VSTM4: variants seen among roughly 807,000 people sequenced by gnomAD.
The protein encoded by VSTM4 is V-set and transmembrane domain-containing protein 4.
Under a neutral mutation model 36.4 loss-of-function variants are expected in VSTM4, and 20 were observed. The observed-to-expected ratio is 0.55, with a 90% CI of 0.39 to 0.80. The LOEUF is 0.80. Ranked by LOEUF, VSTM4 falls within the 30% of genes least tolerant of loss-of-function variation. The pLI, the probability that VSTM4 is intolerant of heterozygous loss-of-function variation, is 0.00. For missense variants in VSTM4, 392 were observed against 404.5 expected (o/e 0.97, Z 0.26); for synonymous variants, 182 against 173.9 (o/e 1.05, Z -0.37).
At chr10:49,043,088 A>T (rs1843546233) in intron 7 of VSTM4, among the ~76,000 whole-genome samples, 1 of 152,160 alleles carries the variant, frequency 6.6e-6, no homozygotes. Context: ...AAATCATGTC[A>T]AAGAAGCAAT....
At chr10:49,047,162 A>G in intron 6 of VSTM4, 118 bp from the exon 7 acceptor site, 1 of 1,046,220 alleles carries the variant, frequency 9.6e-7, no homozygotes, top group Non-Finnish European at 1.5e-6. Flanking sequence ...GGTCCCATGG[A>G]AGAACTTTCT....
At chr10:49,041,649 G>T (rs1372739193) in intron 7 of VSTM4, among the ~76,000 whole-genome samples, 1 of 152,180 alleles carries the variant, frequency 6.6e-6, no homozygotes, top group Non-Finnish European at 1.5e-5. Context: ...GTGCACAAAA[G>T]ATTTTCATGT....
chr10:49,082,558 C>T (rs1844298972), intron 3 of VSTM4, among the ~76,000 whole-genome samples: 1 of 152,006 alleles, frequency 6.6e-6, no homozygotes, highest in South Asian at 2.1e-4. Flanking sequence ...GCCTGTAATC[C>T]CAGCTACTTG....
intron 3 of VSTM4, among the ~76,000 whole-genome samples, chr10:49,081,171 A>G (rs1339351865): frequency 2.6e-5 from 4 of 152,136 alleles, no homozygotes; most frequent in East Asian, 3.9e-4. Context: ...GCCTTTCCAC[A>G]TTGGTCAGCA....
chr10:49,076,761 G>A (rs542636055), intron 4 of VSTM4, among the ~76,000 whole-genome samples: 1 of 152,276 alleles, frequency 6.6e-6, no homozygotes, highest in African/African-American at 2.4e-5. Flanking sequence ...GACTGGTCAG[G>A]GAAAGAACTG....
At chr10:49,084,711 T>C (rs2131999673) in intron 3 of VSTM4, among the ~76,000 whole-genome samples, 1 of 152,362 alleles carries the variant, frequency 6.6e-6, no homozygotes, top group Admixed American at 6.5e-5. Context: ...CTGACCACCT[T>C]TGAACATTAA....
chr10:49,027,340 C>T (rs551378922), intron 7 of VSTM4, among the ~76,000 whole-genome samples: 2 of 152,330 alleles, frequency 1.3e-5, no homozygotes, highest in South Asian at 4.1e-4. Context: ...GCCCCCCACG[C>T]TGCAGGCATG....
intron 4 of VSTM4, among the ~76,000 whole-genome samples, chr10:49,066,984 A>C (rs955016504): frequency 3.3e-5 from 5 of 152,210 alleles, no homozygotes; most frequent in Admixed American, 6.5e-5. Flanking sequence ...AAGGAGAAGA[A>C]GGAACAATAC....
chr10:49,096,622 CGTGT>C (rs57143308), intron 2 of VSTM4, among the ~76,000 whole-genome samples: 4,033 of 122,490 alleles, frequency 0.033, 86 homozygotes, highest in African/African-American at 0.065. Context: ...CATTGAAGAC[CGTGT>C]GTGTGTGTGT....
intron 2 of VSTM4, chr10:49,102,059 T>C (rs1396048438): frequency 6.6e-6 from 1 of 152,206 alleles, no homozygotes; most frequent in Admixed American, 6.5e-5. Context: ...ACAATGATTA[T>C]CTCTGGGGAT....
chr10:49,022,001 C>T (rs1343935840), intron 7 of VSTM4, among the ~76,000 whole-genome samples: 1 of 152,142 alleles, frequency 6.6e-6, no homozygotes, highest in Non-Finnish European at 1.5e-5. Context: ...AAATGGAGAG[C>T]ACATTAACCA....
intron 4 of VSTM4, among the ~76,000 whole-genome samples, chr10:49,071,683 G>A (rs1454296011): frequency 6.6e-6 from 1 of 152,200 alleles, no homozygotes; most frequent in Non-Finnish European, 1.5e-5. Flanking sequence ...GGTTGCATCC[G>A]GAGTGGGACC....
intron 7 of VSTM4, among the ~76,000 whole-genome samples, chr10:49,038,464 G>C (rs879767817): frequency 2.6e-5 from 4 of 152,154 alleles, no homozygotes; most frequent in Non-Finnish European, 4.4e-5. Flanking sequence ...GGGTGGGAGT[G>C]GGGGGTGTTT....
chr10:49,102,643 A>G lies in VSTM4; in HGVS notation c.457+4951T>C, dbSNP rs937537606. 3 of 985,190 alleles carry G rather than the reference A, an allele frequency of 3.0e-6. No homozygotes were observed. The African/African-American group carries it at 5.2e-5, about 17-fold the overall frequency. The allele number at this position is 985,190 out of a possible 1,614,324, so 61.0% of individuals were successfully genotyped here. The stretch of plus-strand genomic sequence containing the variant: ...TGTGGAGCCCCAAAAAATATGTATG[A>G]TTGAAATAGGTCAAGGGAAAGAGAG... On this transcript the variant is annotated intron_variant, in intron 2 of 7. Transcript: ENST00000332853.
chr10:49,046,088 A>G (rs886696660), intron 7 of VSTM4, among the ~76,000 whole-genome samples: 1 of 152,160 alleles, frequency 6.6e-6, no homozygotes, highest in African/African-American at 2.4e-5. Context: ...TTCCCCTTCC[A>G]CCATGACTGT....
At chr10:49,074,414 G>A (rs1844137121) in intron 4 of VSTM4, among the ~76,000 whole-genome samples, 1 of 152,224 alleles carries the variant, frequency 6.6e-6, no homozygotes, top group South Asian at 2.1e-4. Flanking sequence ...CCTCACACCA[G>A]CAGCAGAGCT....
At chr10:49,048,394 T>C in intron 6 of VSTM4, 84 bp downstream of exon 6, 6 of 1,257,498 alleles carry the variant, frequency 4.8e-6, no homozygotes, top group Non-Finnish European at 6.6e-6. Context: ...CTACGCTCCC[T>C]GTCATAATCC....
intron 2 of VSTM4, among the ~76,000 whole-genome samples, chr10:49,094,150 G>A (rs1353699847): frequency 6.7e-6 from 1 of 149,924 alleles, no homozygotes; most frequent in Admixed American, 6.9e-5. Flanking sequence ...GCTAGGAGAG[G>A]GGCCAGGGTC....
intron 4 of VSTM4, among the ~76,000 whole-genome samples, chr10:49,067,567 G>A (rs1347439949): frequency 6.6e-6 from 1 of 152,226 alleles, no homozygotes; most frequent in African/African-American, 2.4e-5. Context: ...TTGCAACAAA[G>A]ACAGGCACAG....
Sources: allele counts gnomAD v4.1 joint callset (sites outside exome capture counted in the v4.1 genomes callset), GRCh38; gene constraint gnomAD v4.1.1; transcripts MANE v1.5; gene names NCBI Gene and HGNC (gene_info 2026-07-23, HGNC 2026-07-21).